AIPL1: variants seen among roughly 807,000 people sequenced by gnomAD.
AIPL1 encodes the protein aryl-hydrocarbon-interacting protein-like 1.
In AIPL1, 23 loss-of-function variants were observed where a neutral mutation model predicts 32.9. The observed-to-expected ratio is 0.70, with a 90% CI of 0.50 to 0.99. AIPL1 has a LOEUF of 0.99. Among genes scored for constraint, AIPL1 ranks in the 50% least tolerant of loss-of-function variants. The pLI is 0.00. For missense variants in AIPL1, 485 were observed against 506.0 expected (o/e 0.96, Z 0.40); for synonymous variants, 210 against 209.4 (o/e 1.00, Z -0.02).
Position 6,424,701 on chromosome 17 carries a change from T to A in AIPL1, c.*759A>T, listed in dbSNP as rs1375753294. ...CCTCAGCCTCCCAAGTAGCTGGGAT[T>A]ATAGGCGCCCGCCACCACGCCCAGC... On this transcript the variant is annotated 3_prime_UTR_variant, in exon 6 of 6. Coordinates refer to ENST00000381129, the MANE Select transcript of AIPL1 (RefSeq NM_014336.5). The A allele has an allele frequency of 6.6e-6, 1 of 152,278 alleles. No homozygotes were observed. The highest frequency in any genetic ancestry group is 2.4e-5 in the African/African-American group (1 of 41,450). The allele number at this position is 152,278 out of a possible 1,614,324, so 9.4% of individuals were successfully genotyped here.
At chr17:6,433,111 G>T (rs1310213582) in intron 2 of AIPL1, among the ~76,000 whole-genome samples, 1 of 152,176 alleles carries the variant, frequency 6.6e-6, no homozygotes, top group African/African-American at 2.4e-5. Context: ...ATGTTTGAAA[G>T]TTCCCATAAG....
At chr17:6,433,757 C>G (rs1364033501) in intron 2 of AIPL1, among the ~76,000 whole-genome samples, 162 bp downstream of exon 2, 3 of 151,814 alleles carry the variant, frequency 2.0e-5, no homozygotes, top group African/African-American at 7.3e-5. Flanking sequence ...CCCTTGTTCC[C>G]TCCATCTTCA....
At position 6,426,985 on chromosome 17, in the gene AIPL1, C is replaced by T. The variant is rs761059176; in HGVS notation, c.538G>A (p.Val180Ile). The T allele has an allele frequency of 1.8e-5, 29 of 1,614,162 alleles. No homozygotes were observed. Among genetic ancestry groups the T allele is most frequent in the South Asian group, 1.5e-4 (14 of 91,078 alleles). The change falls in exon 4 of 6, where the codon GTC becomes ATC. Residue 180 changes from valine (V) to isoleucine (I), a missense_variant. By Grantham distance (29) the Val-to-Ile change is conservative. Coordinates refer to ENST00000381129, the MANE Select transcript of AIPL1 (RefSeq NM_014336.5). Reference sequence around the variant, plus strand: ...AGCCGATTTCCCTCTCCGTGGAGGACGGGCACCGCCTTCATCTTCTCATGA... The same window carrying T: ...AGCCGATTTCCCTCTCCGTGGAGGATGGGCACCGCCTTCATCTTCTCATGA... ...SNHEKMKAVP[V>I]LHGEGNRLFK...
intron 1 of AIPL1, 184 bp downstream of exon 1, chr17:6,434,825 C>G: frequency 1.8e-6 from 2 of 1,097,032 alleles, no homozygotes; most frequent in East Asian, 5.3e-5. Context: ...AAAGTTGAAT[C>G]TGCAAAGTAC....
intron 2 of AIPL1, among the ~76,000 whole-genome samples, chr17:6,429,417 C>T (rs554348986): frequency 2.0e-5 from 3 of 152,324 alleles, no homozygotes; most frequent in African/African-American, 7.2e-5. Context: ...CCCCACCGGC[C>T]GGGATTAGCC....
rs369752301 is a variant in AIPL1 at position 6,425,418 on chromosome 17, G to A, written c.*42C>T. On this transcript the variant is annotated 3_prime_UTR_variant, in exon 6 of 6. Transcript: ENST00000381129. Reference sequence around the variant, plus strand: ...GGTCAATCGAACCAGAAGTGACCAGGCCACTTGCTCCCTGCCTGGGTGGCT... The same window carrying A: ...GGTCAATCGAACCAGAAGTGACCAGACCACTTGCTCCCTGCCTGGGTGGCT... 4.5e-6 allele frequency: 7 copies of A among 1,551,372 alleles called. No individual in the cohort carries two copies. Among genetic ancestry groups the A allele is most frequent in the Non-Finnish European group, 6.1e-6 (7 of 1,150,872 alleles).
At chr17:6,427,590 C>T (rs1476939742) in intron 3 of AIPL1, among the ~76,000 whole-genome samples, 2 of 152,140 alleles carry the variant, frequency 1.3e-5, no homozygotes, top group Non-Finnish European at 2.9e-5. Context: ...TCTCACCAAT[C>T]CACAAACACG....
At chr17:6,426,265 G>A (rs1038265377) in intron 5 of AIPL1, 7 of 1,304,852 alleles carry the variant, frequency 5.4e-6, no homozygotes, top group East Asian at 3.5e-5. Flanking sequence ...TAGTACTGAC[G>A]GTGCCATATC....
At chr17:6,427,315 T>C (rs144919544) in intron 3 of AIPL1, among the ~76,000 whole-genome samples, 42 of 152,364 alleles carry the variant, frequency 2.8e-4, no homozygotes, top group Non-Finnish European at 5.3e-4. Flanking sequence ...ACTCGTTTTG[T>C]TAGAACAATA....
intron 5 of AIPL1, chr17:6,426,244 T>C: frequency 7.8e-7 from 1 of 1,279,016 alleles, no homozygotes; most frequent in Non-Finnish European, 9.9e-7. Context: ...ATTCGAGCAT[T>C]AAGTCAATAC....
chr17:6,425,248 T>C lies in AIPL1; in HGVS notation c.*212A>G, dbSNP rs1911783220. Reference sequence around the variant, plus strand: ...AATTAAAACCATGGCACGGAAGGAATGAGAGGGGTAGAGGAGAAAACTACT... The same window carrying C: ...AATTAAAACCATGGCACGGAAGGAACGAGAGGGGTAGAGGAGAAAACTACT... On this transcript the variant is annotated 3_prime_UTR_variant, in exon 6 of 6. Coordinates refer to ENST00000381129, the MANE Select transcript of AIPL1 (RefSeq NM_014336.5). 1 of 510,430 alleles carries C rather than the reference T, an allele frequency of 2.0e-6. No individual in the cohort carries two copies. Among genetic ancestry groups the C allele is most frequent in the Admixed American group, 3.7e-5 (1 of 26,726 alleles). 31.6% of individuals were successfully genotyped at this position (510,430 alleles called of 1,614,324 possible).
At position 6,426,685 on chromosome 17, in the gene AIPL1, C is replaced by T; in HGVS notation, c.714G>A (p.Gln238=). The part of the protein sequence containing the change: ...MINTLILNYC[Q]CLLKKEEYYE... ...AGTACTCCTCCTTCTTCAGCAGGCA[C>T]TGGCAGTAGTTGAGGATCAGAGTAT... The change falls in exon 5 of 6, where the codon CAG becomes CAA. Residue 238 remains glutamine, a synonymous_variant. Coordinates refer to ENST00000381129, the MANE Select transcript of AIPL1 (RefSeq NM_014336.5). 3 of 1,614,252 alleles carry T rather than the reference C, an allele frequency of 1.9e-6. No individual in the cohort carries two copies. In the South Asian group the frequency reaches 3.3e-5, roughly 18 times the overall value.
chr17:6,425,289 T>G lies in AIPL1; in HGVS notation c.*171A>C. ...GAAAACTACTTTTATTCATAAGCTCTTCTGTACCCTTGGGATTGTTTTTTT... is the reference window on the plus strand; with the variant it reads ...GAAAACTACTTTTATTCATAAGCTCGTCTGTACCCTTGGGATTGTTTTTTT... On this transcript the variant is annotated 3_prime_UTR_variant, in exon 6 of 6. Coordinates refer to ENST00000381129, the MANE Select transcript of AIPL1 (RefSeq NM_014336.5). The G allele has an allele frequency of 1.2e-6, 1 of 864,184 alleles. No homozygotes were observed. The highest frequency in any genetic ancestry group is 2.2e-5 in the South Asian group (1 of 44,656). 53.5% of individuals were successfully genotyped at this position (864,184 alleles called of 1,614,324 possible).
At chr17:6,425,943 A>AC in intron 5 of AIPL1, 113 bp from the exon 6 acceptor site, 1 of 1,382,218 alleles carries the variant, frequency 7.2e-7, no homozygotes, top group South Asian at 1.4e-5. Context: ...ATGATCCTTA[A>AC]CCTCTCTGTA....
Position 6,428,312 on chromosome 17 carries a change from C to A in AIPL1, c.465+6G>T, listed in dbSNP as rs764988531. ...AGCCCTCCAGCCCTGCCAACCCCAGCCCCACCTGCAGCAGCTCGATCACAA... is the reference window on the plus strand; with the variant it reads ...AGCCCTCCAGCCCTGCCAACCCCAGACCCACCTGCAGCAGCTCGATCACAA... On this transcript the variant is annotated splice_donor_region_variant and intron_variant, in intron 3 of 5. Coordinates refer to ENST00000381129, the MANE Select transcript of AIPL1 (RefSeq NM_014336.5). The A allele has an allele frequency of 6.2e-7, 1 of 1,606,418 alleles. No individual in the cohort carries two copies. The highest frequency in any genetic ancestry group is 1.1e-5 in the South Asian group (1 of 91,086).
chr17:6,426,429 C>T (rs1911959685), intron 5 of AIPL1, 186 bp downstream of exon 5: 2 of 1,455,868 alleles, frequency 1.4e-6, no homozygotes, highest in Non-Finnish European at 1.8e-6. Context: ...AAAGGGCCGC[C>T]CCGCGCCAAG....
chr17:6,426,474 A>G, intron 5 of AIPL1, 141 bp downstream of exon 5: 1 of 1,506,528 alleles, frequency 6.6e-7, no homozygotes, highest in Non-Finnish European at 8.8e-7. Flanking sequence ...TCAGTTACAC[A>G]CTCGGGGAAA....
At chr17:6,430,065 G>GTGTGTGTGTGTGTGTGTT (rs1597334360) in intron 2 of AIPL1, among the ~76,000 whole-genome samples, 2 of 150,754 alleles carry the variant, frequency 1.3e-5, no homozygotes, top group East Asian at 3.9e-4. Context: ...GTGTGTGTGT[G>GTGTGTGTGTGTGTGTGTT]TGTGTGTGTG....
At chr17:6,434,956 A>G in intron 1 of AIPL1, 53 bp downstream of exon 1, 1 of 1,612,486 alleles carries the variant, frequency 6.2e-7, no homozygotes, top group Non-Finnish European at 8.5e-7. Context: ...CACACCTGGA[A>G]TGTTGAAAGC....
Sources: gnomAD v4.1 joint callset for allele counts (sites outside exome capture counted in the v4.1 genomes callset) on GRCh38, gnomAD v4.1.1 for gene constraint, MANE v1.5 for transcripts, NCBI Gene and HGNC (gene_info 2026-07-23, HGNC 2026-07-21) for gene names.